CHD1L: variants seen among roughly 807,000 people sequenced by gnomAD.
CHD1L encodes chromodomain helicase DNA binding protein 1 like.
In CHD1L, 118 loss-of-function variants were observed where a neutral mutation model predicts 115.9. The observed-to-expected ratio is 1.02, with a 90% confidence interval of 0.88 to 1.19. The LOEUF is 1.19. CHD1L is among the 50% of genes most tolerant of loss of function. The pLI is 0.00. For synonymous variants in CHD1L, 411 were observed against 387.1 expected, an observed-to-expected ratio of 1.06 and a Z score of -0.72; for missense variants, 1,179 against 1,065.3, an observed-to-expected ratio of 1.11 and a Z score of -1.49.
At chr1:147,221,265 G>T in the CHD1L span, among the ~76,000 whole-genome samples, 1 of 152,128 alleles carries the variant, frequency 6.6e-6, no homozygotes. Flanking sequence ...GAGTAAATCT[G>T]AATAAAGTAT....
the CHD1L span, chr1:147,213,621 G>T: frequency 0.03 from 19,172 of 640,328 alleles, 473 homozygotes; most frequent in South Asian, 0.083. Context: ...AGAACTGTTT[G>T]GGGCTGTAGT....
chr1:147,232,552 G>C, the CHD1L span, among the ~76,000 whole-genome samples: 1 of 151,684 alleles, frequency 6.6e-6, no homozygotes, highest in Admixed American at 6.6e-5. Context: ...ATGCCGAGCC[G>C]AAGCTGGACT....
At chr1:147,195,482 C>T in the CHD1L span, among the ~76,000 whole-genome samples, 1 of 152,160 alleles carries the variant, frequency 6.6e-6, no homozygotes, top group African/African-American at 2.4e-5. Flanking sequence ...GGAAGATAAG[C>T]TTCATTTTCT....
At chr1:147,239,588 C>T (rs2102176072), upstream of CHD1L, among the ~76,000 whole-genome samples, 1 of 152,274 alleles carries the variant, frequency 6.6e-6, no homozygotes, top group African/African-American at 2.4e-5. Flanking sequence ...TCCAAACTGC[C>T]TCCTTCCTTC....
chr1:147,202,294 G>T, the CHD1L span, among the ~76,000 whole-genome samples: 5,397 of 149,186 alleles, frequency 0.036, 145 homozygotes, highest in South Asian at 0.096. Flanking sequence ...GTATCGTGGA[G>T]CTTTCTAAAA....
rs587716065 is a variant in CHD1L at position 147,270,974 on chromosome 1, G to A, written c.1128G>A (p.Leu376=). The A allele has an allele frequency of 1.9e-6, 3 of 1,614,064 alleles. No homozygotes were observed. Among genetic ancestry groups the A allele is most frequent in the South Asian group, 2.2e-5 (2 of 91,078 alleles). ...VLLFSQMTQM[L]DILQDYMDYR... is the part of the protein sequence containing the mutation. ...TTTTCTCCCAAATGACCCAGATGTT[G>A]GATATTCTCCAAGACTATATGGATT... The change falls in exon 11 of 23, where the codon TTG becomes TTA. Residue 376 remains leucine (L), a synonymous_variant. Transcript: ENST00000369258.
chr1:147,214,092 C>G, the CHD1L span, among the ~76,000 whole-genome samples: 1 of 152,178 alleles, frequency 6.6e-6, no homozygotes, highest in South Asian at 2.1e-4. Context: ...GGTTACCCTA[C>G]TTAGGTTAAG....
At chr1:147,220,074 G>A in the CHD1L span, among the ~76,000 whole-genome samples, 2 of 151,982 alleles carry the variant, frequency 1.3e-5, no homozygotes, top group African/African-American at 4.8e-5. Flanking sequence ...TCCTGACCTC[G>A]TGATCCACCC....
chr1:147,292,704 T>C lies in CHD1L; in HGVS notation c.2392-904T>C, dbSNP rs587747606. The stretch of plus-strand genomic sequence containing the variant: ...AAAGGGGAAGCTAGTGTATCACACA[T>C]GGCAAGAGCAGGAACAAGAGAGAGT... On this transcript the variant is annotated intron_variant, in intron 20 of 22. Coordinates refer to ENST00000369258, the MANE Select transcript of CHD1L (RefSeq NM_004284.6). Among the ~76,000 whole-genome samples the C allele has an allele frequency of 7.2e-5, 11 of 152,290 alleles. No individual in the cohort carries two copies. In the East Asian group the frequency reaches 2.1e-3, roughly 29 times the overall value.
In CHD1L at chr1:147,293,559, G is replaced by A. The variant is rs782331810; in HGVS notation, c.2392-49G>A. On this transcript the variant is annotated intron_variant, in intron 20 of 22. Transcript: ENST00000369258. ...CCTCCATGGGCGGTCACTTGGTTGA[G>A]TGTGGCTGTTTCATGTTGGGTTGGT... 44 of 1,515,076 alleles carry A rather than the reference G, an allele frequency of 2.9e-5. No individual in the cohort carries two copies. The South Asian group carries it at 4.4e-4, about 15-fold the overall frequency. The allele number at this position is 1,515,076 out of a possible 1,614,324, so 93.9% of individuals were successfully genotyped here.
the CHD1L span, chr1:147,215,419 G>A: frequency 9.8e-4 from 200 of 203,810 alleles, no homozygotes; most frequent in African/African-American, 4.4e-3. Flanking sequence ...GAACCAGAGA[G>A]TTTTAAAGTT....
At chr1:147,186,234 G>A in the CHD1L span, 3 of 754,676 alleles carry the variant, frequency 4.0e-6, no homozygotes, top group Non-Finnish European at 4.8e-6. Flanking sequence ...GATGGTAGAT[G>A]ATCTGAATGA....
the CHD1L span, among the ~76,000 whole-genome samples, chr1:147,222,026 A>C: frequency 6.6e-6 from 1 of 152,204 alleles, no homozygotes; most frequent in Non-Finnish European, 1.5e-5. Context: ...TACACTGATT[A>C]TATTTCCTAC....
chr1:147,278,495 T>A (rs1679511557), intron 14 of CHD1L, among the ~76,000 whole-genome samples: 1 of 150,410 alleles, frequency 6.6e-6, no homozygotes, highest in Non-Finnish European at 1.5e-5. Context: ...AGTGCTGGGA[T>A]TACAGGCATG....
At chr1:147,225,008 C>A in the CHD1L span, 1 of 1,613,986 alleles carries the variant, frequency 6.2e-7, no homozygotes, top group Admixed American at 1.7e-5. Context: ...CCCCCAATCA[C>A]AGCAATTCTT....
the CHD1L span, chr1:147,225,482 G>A: frequency 6.0e-6 from 1 of 165,476 alleles, no homozygotes; most frequent in Non-Finnish European, 1.3e-5. Flanking sequence ...CCCTCGATGG[G>A]AATAAAACGT....
intron 9 of CHD1L, among the ~76,000 whole-genome samples, chr1:147,268,002 GTTAT>G (rs782717129): frequency 1.3e-5 from 2 of 152,110 alleles, no homozygotes; most frequent in African/African-American, 2.4e-5. Flanking sequence ...CCAACCAATG[GTTAT>G]TTGTTAGTTC....
At chr1:147,231,450 G>C in the CHD1L span, among the ~76,000 whole-genome samples, 1 of 152,172 alleles carries the variant, frequency 6.6e-6, no homozygotes, top group Non-Finnish European at 1.5e-5. Flanking sequence ...TTTGGAATAG[G>C]TGTGGTGTGG....
chr1:147,209,760 G>A, the CHD1L span: 1 of 152,190 alleles, frequency 6.6e-6, no homozygotes, highest in East Asian at 1.9e-4. Flanking sequence ...TCCATCCTCT[G>A]AATTTCTCTA....
Sources: gnomAD v4.1 joint callset for allele counts (sites outside exome capture counted in the v4.1 genomes callset) on GRCh38, gnomAD v4.1.1 for gene constraint, MANE v1.5 for transcripts, NCBI Gene and HGNC (gene_info 2026-07-23, HGNC 2026-07-21) for gene names.